Variants in FOXP1 observed in about 807,000 individuals in gnomAD.
The protein encoded by FOXP1 is forkhead box protein P1.
In FOXP1, 15 loss-of-function variants were observed where a neutral mutation model predicts 98.2. That is an observed-to-expected ratio of 0.15 (90% confidence interval 0.10 to 0.24). The LOEUF (loss-of-function observed/expected upper bound fraction) is 0.24, where lower values mean the gene tolerates loss of function less well. Among genes scored for constraint, FOXP1 ranks in the 10% least tolerant of loss-of-function variants. The pLI is 1.00. For missense variants in FOXP1, 633 were observed against 848.5 expected, an observed-to-expected ratio of 0.75 and a Z score of 3.15; for synonymous variants, 371 against 314.5, an observed-to-expected ratio of 1.18 and a Z score of -1.90.
chr3:71,122,140 TCAAA>T (rs1177268634), intron 6 of FOXP1, among the ~76,000 whole-genome samples: 6 of 152,206 alleles, frequency 3.9e-5, no homozygotes, highest in African/African-American at 1.4e-4. Context: ...CAGTTCTTTC[TCAAA>T]CAAATATGGT....
intron 4 of FOXP1, among the ~76,000 whole-genome samples, chr3:71,341,955 A>T (rs2077035418): frequency 6.6e-6 from 1 of 152,246 alleles, no homozygotes; most frequent in Non-Finnish European, 1.5e-5. Flanking sequence ...TTCCTAAGTG[A>T]GGAAACTGAG....
chr3:71,582,303 G>A (rs778351982), intron 1 of FOXP1: 9 of 972,924 alleles, frequency 9.3e-6, no homozygotes, highest in Non-Finnish European at 1.1e-5. Flanking sequence ...GGCGGGAGGC[G>A]GGGGCGAGGG....
At chr3:71,005,807 G>C (rs1156440049) in intron 12 of FOXP1, among the ~76,000 whole-genome samples, 2 of 152,218 alleles carry the variant, frequency 1.3e-5, no homozygotes, top group East Asian at 3.9e-4. Context: ...GAGAGACGGA[G>C]AGCATTTCAA....
chr3:71,390,132 G>A (rs2080921827), intron 3 of FOXP1, among the ~76,000 whole-genome samples: 1 of 152,208 alleles, frequency 6.6e-6, no homozygotes, highest in African/African-American at 2.4e-5. Flanking sequence ...CAGAGCTACT[G>A]TAAACTGGTT....
intron 6 of FOXP1, among the ~76,000 whole-genome samples, chr3:71,177,115 A>G (rs1211048962): frequency 6.6e-6 from 1 of 152,122 alleles, no homozygotes; most frequent in Non-Finnish European, 1.5e-5. Flanking sequence ...CCTTCCAATC[A>G]AAGTGTTTTA....
intron 7 of FOXP1, among the ~76,000 whole-genome samples, chr3:71,103,833 C>T (rs1005721879): frequency 1.2e-4 from 18 of 152,176 alleles, no homozygotes; most frequent in East Asian, 1.9e-4. Context: ...TTGCTTTTAT[C>T]GCACACTGTG....
At chr3:71,297,444 AG>A (rs1448877804) in intron 5 of FOXP1, among the ~76,000 whole-genome samples, 1 of 151,168 alleles carries the variant, frequency 6.6e-6, no homozygotes, top group Non-Finnish European at 1.5e-5. Context: ...GACATTATAA[AG>A]ATATTGAATC....
intron 6 of FOXP1, among the ~76,000 whole-genome samples, chr3:71,138,745 C>T (rs1308840424): frequency 1.3e-5 from 2 of 152,158 alleles, no homozygotes; most frequent in African/African-American, 4.8e-5. Context: ...AGTCCATTAG[C>T]TGCTATGTGA....
intron 2 of FOXP1, among the ~76,000 whole-genome samples, chr3:71,503,863 G>A (rs2041607835): frequency 6.6e-6 from 1 of 152,168 alleles, no homozygotes; most frequent in African/African-American, 2.4e-5. Flanking sequence ...ATGCTCATTA[G>A]GGGGTCAGGA....
intron 13 of FOXP1, among the ~76,000 whole-genome samples, chr3:70,997,071 G>A (rs1247489873): frequency 6.6e-6 from 1 of 152,200 alleles, no homozygotes; most frequent in African/African-American, 2.4e-5. Context: ...ACTGATAAAT[G>A]CTTTAAGAAA....
At chr3:71,104,951 T>C (rs2107689697) in intron 7 of FOXP1, among the ~76,000 whole-genome samples, 1 of 152,348 alleles carries the variant, frequency 6.6e-6, no homozygotes, top group East Asian at 1.9e-4. Context: ...TCTTGACAGC[T>C]TTGTTGTAAT....
At chr3:71,286,109 C>T (rs1003918245) in intron 5 of FOXP1, among the ~76,000 whole-genome samples, 12 of 152,178 alleles carry the variant, frequency 7.9e-5, no homozygotes, top group African/African-American at 2.7e-4. Flanking sequence ...TCAGTCACTT[C>T]TCCTACTTTA....
chr3:71,461,673 C>G (rs554424603), intron 3 of FOXP1, among the ~76,000 whole-genome samples: 20 of 151,994 alleles, frequency 1.3e-4, no homozygotes, highest in African/African-American at 4.1e-4. Context: ...TGGTGACAGG[C>G]GCCTGTAATC....
intron 5 of FOXP1, among the ~76,000 whole-genome samples, chr3:71,268,637 A>T (rs2069996869): frequency 6.6e-6 from 1 of 152,158 alleles, no homozygotes; most frequent in Non-Finnish European, 1.5e-5. Context: ...ATAAAGGGGA[A>T]ATGAGAGATG....
In FOXP1 at chr3:70,958,857, A is replaced by G; in HGVS notation, c.*390T>C. 1 of 388,384 alleles carries G rather than the reference A, an allele frequency of 2.6e-6. No individual in the cohort carries two copies. Among genetic ancestry groups the G allele is most frequent in the Non-Finnish European group, 4.8e-6 (1 of 209,560 alleles). The allele number at this position is 388,384 out of a possible 1,614,324, so 24.1% of individuals were successfully genotyped here. The stretch of plus-strand genomic sequence containing the variant: ...AATTCTGGGCAAAGGCTTGGTCTGC[A>G]GCTTAGGTGCACAAGCTCTGTCGGG... On this transcript the variant is annotated 3_prime_UTR_variant, in exon 21 of 21. Transcript: ENST00000649528.
chr3:71,278,868 T>C (rs2071203018), intron 5 of FOXP1, among the ~76,000 whole-genome samples: 1 of 151,854 alleles, frequency 6.6e-6, no homozygotes, highest in Admixed American at 6.6e-5. Flanking sequence ...TTAGAGGCCT[T>C]TAATGAGGAT....
chr3:71,003,566 G>T (rs547683824), intron 12 of FOXP1, among the ~76,000 whole-genome samples: 1 of 152,060 alleles, frequency 6.6e-6, no homozygotes, highest in Non-Finnish European at 1.5e-5. Flanking sequence ...ATAATTATGC[G>T]TGATTATTTT....
In FOXP1 at chr3:71,412,183, G is replaced by A. The variant is rs185954782; in HGVS notation, c.-167-52939C>T. Among the ~76,000 whole-genome samples, 725 of 150,472 alleles carry A rather than the reference G, an allele frequency of 4.8e-3. 6 individuals are homozygous for A. The highest frequency in any genetic ancestry group is 0.018 in the African/African-American group (706 of 39,828). On this transcript the variant is annotated intron_variant, in intron 3 of 20. Transcript: ENST00000649528. ...AGAGGGACAGGTCGCATGGTGTAGG[G>A]GATCTAGAGACACCTAGACTTGCTC...
chr3:71,512,055 G>A (rs1362830965), intron 2 of FOXP1, among the ~76,000 whole-genome samples: 3 of 152,072 alleles, frequency 2.0e-5, no homozygotes, highest in Non-Finnish European at 4.4e-5. Flanking sequence ...TTTCCCATTT[G>A]GTTCCTCACA....
Sources: gnomAD v4.1 joint callset for allele counts (sites outside exome capture counted in the v4.1 genomes callset) on GRCh38, gnomAD v4.1.1 for gene constraint, MANE v1.5 for transcripts, NCBI Gene and HGNC (gene_info 2026-07-23, HGNC 2026-07-21) for gene names.